The following NEK7 variants were observed in gnomAD, a reference collection of about 807,000 sequenced individuals.
The protein encoded by NEK7 is NIMA related kinase 7, also known as serine/threonine-protein kinase Nek7.
NEK7 carries 18 observed loss-of-function variants against 44.6 expected under a neutral mutation model. The ratio of observed to expected loss-of-function variants is 0.40; its 90% CI spans 0.28 to 0.60. The LOEUF (loss-of-function observed/expected upper bound fraction) is 0.60. Among genes scored for constraint, NEK7 ranks in the 20% least tolerant of loss-of-function variants. The probability of loss-of-function intolerance (pLI) is 0.38; values close to 1 mark genes in which losing one functional copy is unlikely to be tolerated. For synonymous variants in NEK7, 130 were observed against 121.1 expected, an observed-to-expected ratio of 1.07 and a Z score of -0.48; for missense variants, 256 against 366.5, an observed-to-expected ratio of 0.70 and a Z score of 2.46.
chr1:198,242,473 CTTTT>C (rs35704352), intron 2 of NEK7, among the ~76,000 whole-genome samples: 2 of 107,140 alleles, frequency 1.9e-5, no homozygotes, highest in Admixed American at 9.6e-5. Context: ...TCTCAGCTCA[CTTTT>C]TTTTTTTTTT....
intron 1 of NEK7, among the ~76,000 whole-genome samples, chr1:198,222,349 A>G (rs1666095911): frequency 6.6e-6 from 1 of 152,162 alleles, no homozygotes; most frequent in African/African-American, 2.4e-5. Context: ...TTTCAAGACA[A>G]TATATTGAAC....
intron 1 of NEK7, among the ~76,000 whole-genome samples, chr1:198,194,641 A>C (rs1339518596): frequency 6.6e-6 from 1 of 152,194 alleles, no homozygotes; most frequent in Non-Finnish European, 1.5e-5. Context: ...CACAAAGGAC[A>C]TAATCTCCTT....
At chr1:198,239,487 G>A (rs1666627572) in intron 2 of NEK7, among the ~76,000 whole-genome samples, 1 of 151,946 alleles carries the variant, frequency 6.6e-6, no homozygotes. Flanking sequence ...CTATAAAAGT[G>A]GTTTTATGAC....
At chr1:198,190,488 T>C (rs1446190320) in intron 1 of NEK7, among the ~76,000 whole-genome samples, 1 of 151,882 alleles carries the variant, frequency 6.6e-6, no homozygotes, top group Admixed American at 6.6e-5. Flanking sequence ...ACTTCTAGAA[T>C]AAAAATACAG....
At chr1:198,251,702 C>A (rs557253324) in intron 2 of NEK7, among the ~76,000 whole-genome samples, 50 of 151,974 alleles carry the variant, frequency 3.3e-4, no homozygotes, top group African/African-American at 1.2e-3. Context: ...GTTTGTATTT[C>A]TGTGGGATCG....
chr1:198,186,111 T>C (rs1664917011), intron 1 of NEK7, among the ~76,000 whole-genome samples: 2 of 152,212 alleles, frequency 1.3e-5, no homozygotes, highest in Non-Finnish European at 2.9e-5. Flanking sequence ...ACTTAACTTA[T>C]GGCAAATATG....
At chr1:198,289,750 G>C (rs548285605) in intron 7 of NEK7, among the ~76,000 whole-genome samples, 1 of 152,058 alleles carries the variant, frequency 6.6e-6, no homozygotes, top group African/African-American at 2.4e-5. Context: ...TATCAATTTA[G>C]TGATATCTTC....
chr1:198,277,927 G>C, intron 5 of NEK7, 34 bp from the exon 6 acceptor site: 1 of 1,325,486 alleles, frequency 7.5e-7, no homozygotes. Context: ...AGAAATTTTA[G>C]TTTTTATAGT....
chr1:198,213,680 G>A (rs1665841444), intron 1 of NEK7, among the ~76,000 whole-genome samples: 1 of 152,172 alleles, frequency 6.6e-6, no homozygotes, highest in South Asian at 2.1e-4. Context: ...GTTACTGGGA[G>A]GTGGGTCGCT....
At chr1:198,233,737 A>G (rs1571557013) in intron 2 of NEK7, among the ~76,000 whole-genome samples, 1 of 138,554 alleles carries the variant, frequency 7.2e-6, no homozygotes, top group Admixed American at 7.2e-5. Flanking sequence ...TTATTTGTCT[A>G]TGGGATCCTT....
At chr1:198,256,332 G>T (rs757295840) in intron 3 of NEK7, 52 of 1,604,218 alleles carry the variant, frequency 3.2e-5, no homozygotes, top group Middle Eastern at 1.7e-4. Flanking sequence ...CTGCAGGTTT[G>T]CCTGTTACCT....
chr1:198,253,240 GA>G (rs1395411523), intron 3 of NEK7, 60 bp downstream of exon 3: 2 of 1,143,438 alleles, frequency 1.7e-6, no homozygotes, highest in African/African-American at 3.1e-5. Flanking sequence ...TTATAGATGA[GA>G]AAAGTATATC....
At chr1:198,242,304 TGCTAC>T (rs1666705946) in intron 2 of NEK7, among the ~76,000 whole-genome samples, 3 of 152,106 alleles carry the variant, frequency 2.0e-5, no homozygotes, top group Middle Eastern at 3.2e-3. Flanking sequence ...CACAGTATGG[TGCTAC>T]CTTGCTGAAA....
chr1:198,184,544 AT>A (rs1664860758), intron 1 of NEK7, among the ~76,000 whole-genome samples: 1 of 152,294 alleles, frequency 6.6e-6, no homozygotes, highest in South Asian at 2.1e-4. Flanking sequence ...TGATTTAATA[AT>A]TCTTAAATGA....
intron 5 of NEK7, among the ~76,000 whole-genome samples, chr1:198,276,089 T>C (rs1204497794): frequency 6.6e-6 from 1 of 151,620 alleles, no homozygotes; most frequent in African/African-American, 2.4e-5. Context: ...GTTTAACTTG[T>C]AAGTTACAGT....
chr1:198,232,425 G>A (rs529073255), intron 1 of NEK7, 128 bp from the exon 2 acceptor site: 1 of 552,716 alleles, frequency 1.8e-6, no homozygotes, highest in Non-Finnish European at 3.3e-6. Context: ...AAAGAGTGTG[G>A]TATATCTCAG....
intron 7 of NEK7, among the ~76,000 whole-genome samples, chr1:198,281,668 T>G (rs1399742665): frequency 1.3e-5 from 2 of 152,114 alleles, no homozygotes; most frequent in Non-Finnish European, 2.9e-5. Context: ...AATACATTTT[T>G]GTTGAAAAAT....
intron 7 of NEK7, among the ~76,000 whole-genome samples, chr1:198,290,183 A>G (rs1654509842): frequency 6.6e-6 from 1 of 152,232 alleles, no homozygotes; most frequent in Non-Finnish European, 1.5e-5. Context: ...AAGTGGAATT[A>G]CATGTGCTGT....
At chr1:198,207,974 C>T (rs909406193) in intron 1 of NEK7, among the ~76,000 whole-genome samples, 1 of 152,156 alleles carries the variant, frequency 6.6e-6, no homozygotes, top group African/African-American at 2.4e-5. Context: ...TCATTTATCT[C>T]TCTATTTATG....
Sources: gnomAD v4.1 joint callset for allele counts (sites outside exome capture counted in the v4.1 genomes callset) on GRCh38, gnomAD v4.1.1 for gene constraint, MANE v1.5 for transcripts, NCBI Gene and HGNC (gene_info 2026-07-23, HGNC 2026-07-21) for gene names.